Variants in SOX5 observed in about 807,000 individuals in gnomAD.
SOX5 encodes transcription factor SOX-5.
In SOX5, 9 loss-of-function variants were observed where a neutral mutation model predicts 92.0. That is an observed-to-expected ratio of 0.10 (90% CI 0.06 to 0.17). The LOEUF (loss-of-function observed/expected upper bound fraction) is 0.17. Among genes scored for constraint, SOX5 ranks in the 10% least tolerant of loss-of-function variants. SOX5 has a pLI of 1.00. For synonymous variants in SOX5, 344 were observed against 336.3 expected (o/e 1.02, Z -0.25); for missense variants, 642 against 944.5 (o/e 0.68, Z 4.20).
At chr12:23,817,234 G>A (rs1328032633) in intron 3 of SOX5, among the ~76,000 whole-genome samples, 1 of 152,118 alleles carries the variant, frequency 6.6e-6, no homozygotes, top group Non-Finnish European at 1.5e-5. Flanking sequence ...GTAAGATTAA[G>A]GTTAGGTACC....
chr12:24,304,603 T>G (rs1948362991), intron 2 of SOX5, among the ~76,000 whole-genome samples: 1 of 152,176 alleles, frequency 6.6e-6, no homozygotes, highest in Middle Eastern at 3.2e-3. Flanking sequence ...GACCTCGCTC[T>G]TGGGCCATGT....
chr12:24,524,306 AC>A (rs1950502063), intron 1 of SOX5, among the ~76,000 whole-genome samples: 1 of 152,058 alleles, frequency 6.6e-6, no homozygotes, highest in Non-Finnish European at 1.5e-5. Flanking sequence ...CATCCTCCAT[AC>A]CCATGAGCCA....
At chr12:24,475,652 G>C (rs1339492038) in intron 1 of SOX5, among the ~76,000 whole-genome samples, 1 of 152,192 alleles carries the variant, frequency 6.6e-6, no homozygotes, top group Non-Finnish European at 1.5e-5. Context: ...GATTTTATTG[G>C]AGGAAAGTCA....
chr12:24,056,279 C>T (rs1569526546), intron 4 of SOX5, among the ~76,000 whole-genome samples: 1 of 152,294 alleles, frequency 6.6e-6, no homozygotes, highest in East Asian at 1.9e-4. Context: ...ACTTACACAA[C>T]ACACAGGAAG....
At chr12:24,490,071 A>G (rs1196067342) in intron 1 of SOX5, among the ~76,000 whole-genome samples, 1 of 152,256 alleles carries the variant, frequency 6.6e-6, no homozygotes, top group Non-Finnish European at 1.5e-5. Flanking sequence ...ACTGCAGTGG[A>G]TGGCAGACTT....
At chr12:24,156,242 G>C (rs1259503449) in intron 4 of SOX5, among the ~76,000 whole-genome samples, 1 of 152,086 alleles carries the variant, frequency 6.6e-6, no homozygotes, top group Admixed American at 6.6e-5. Context: ...ACAACCCAGA[G>C]GTATAATTTA....
At chr12:24,105,967 C>T (rs191936697) in intron 4 of SOX5, among the ~76,000 whole-genome samples, 5 of 152,150 alleles carry the variant, frequency 3.3e-5, no homozygotes, top group Admixed American at 2.0e-4. Context: ...TCCTTACAAA[C>T]GTGTTGAAGG....
intron 2 of SOX5, among the ~76,000 whole-genome samples, chr12:24,316,961 T>C (rs1006624819): frequency 1.3e-5 from 2 of 152,174 alleles, no homozygotes; most frequent in African/African-American, 4.8e-5. Context: ...GGTAACCCTT[T>C]ACCCAGGGGT....
intron 1 of SOX5, among the ~76,000 whole-genome samples, chr12:24,387,570 AG>A (rs1191421134): frequency 3.3e-5 from 5 of 152,112 alleles, no homozygotes; most frequent in Non-Finnish European, 7.4e-5. Flanking sequence ...AAATCACTCC[AG>A]GAGATGGAGT....
intron 4 of SOX5, among the ~76,000 whole-genome samples, chr12:23,996,417 G>A (rs546775950): frequency 3.2e-4 from 49 of 152,216 alleles, no homozygotes; most frequent in African/African-American, 1.1e-3. Context: ...AATCTACCAC[G>A]GAAAACAGTT....
At chr12:23,837,291 T>A (rs1243429241) in intron 3 of SOX5, among the ~76,000 whole-genome samples, 11 of 102,102 alleles carry the variant, frequency 1.1e-4, no homozygotes, top group Admixed American at 1.6e-4. Context: ...ATATTTATAT[T>A]TATATAATAT....
At chr12:23,830,225 G>A (rs1429731308) in intron 3 of SOX5, among the ~76,000 whole-genome samples, 1 of 151,964 alleles carries the variant, frequency 6.6e-6, no homozygotes, top group Non-Finnish European at 1.5e-5. Context: ...AGCATTTGAG[G>A]GTGTCTTCTT....
At chr12:23,771,284 A>T (rs775136947) in intron 3 of SOX5, among the ~76,000 whole-genome samples, 1 of 151,986 alleles carries the variant, frequency 6.6e-6, no homozygotes, top group African/African-American at 2.4e-5. Flanking sequence ...ATTTTCTTAT[A>T]TTTGTGTAGC....
intron 3 of SOX5, 84 bp downstream of exon 3, chr12:23,845,899 A>T: frequency 8.6e-7 from 1 of 1,158,898 alleles, no homozygotes; most frequent in South Asian, 1.3e-5. Flanking sequence ...TAAGAGTATA[A>T]ATCAAAAAAC....
At chr12:24,254,082 AT>A (rs1443992545) in intron 3 of SOX5, among the ~76,000 whole-genome samples, 1 of 152,094 alleles carries the variant, frequency 6.6e-6, no homozygotes, top group Non-Finnish European at 1.5e-5. Flanking sequence ...ATCATCATCC[AT>A]TGCTTCGAAA....
intron 6 of SOX5, among the ~76,000 whole-genome samples, chr12:23,726,478 T>C (rs2093141386): frequency 6.6e-6 from 1 of 152,160 alleles, no homozygotes; most frequent in South Asian, 2.1e-4. Flanking sequence ...TACCACACTA[T>C]TGTGTAAATT....
intron 4 of SOX5, among the ~76,000 whole-genome samples, chr12:23,754,599 T>C (rs1353682190): frequency 1.3e-5 from 2 of 151,822 alleles, no homozygotes; most frequent in Non-Finnish European, 2.9e-5. Flanking sequence ...GCATGGAAAG[T>C]GAAATATTCA....
intron 1 of SOX5, among the ~76,000 whole-genome samples, chr12:23,943,436 T>C (rs1331736913): frequency 2.0e-5 from 3 of 152,076 alleles, no homozygotes; most frequent in Non-Finnish European, 2.9e-5. Context: ...TAAAAATTCA[T>C]CACGACGGCA....
intron 1 of SOX5, among the ~76,000 whole-genome samples, chr12:24,501,762 G>A (rs1948228901): frequency 6.6e-6 from 1 of 152,198 alleles, no homozygotes; most frequent in African/African-American, 2.4e-5. Context: ...GGGAGGTATA[G>A]GTTGAAGTGA....
Sources: gnomAD v4.1 joint callset for allele counts (sites outside exome capture counted in the v4.1 genomes callset) on GRCh38, gnomAD v4.1.1 for gene constraint, MANE v1.5 for transcripts, NCBI Gene and HGNC (gene_info 2026-07-23, HGNC 2026-07-21) for gene names.